The following SEPTIN2 variants were observed in gnomAD, a reference collection of about 807,000 sequenced individuals.
The protein encoded by SEPTIN2 is septin-2.
A neutral mutation model predicts 46.5 loss-of-function variants in SEPTIN2; 34 were observed. The observed-to-expected ratio is 0.73, with a 90% CI of 0.56 to 0.97. SEPTIN2 has a LOEUF of 0.97. SEPTIN2 is among the 50% of genes least tolerant of loss of function. The pLI, the probability that SEPTIN2 is intolerant of heterozygous loss-of-function variation, is 0.00. For synonymous variants in SEPTIN2, 175 were observed against 153.4 expected (o/e 1.14, Z -1.04); for missense variants, 347 against 448.4 (o/e 0.77, Z 2.04).
intron 9 of SEPTIN2, among the ~76,000 whole-genome samples, chr2:241,345,828 G>A (rs534484014): frequency 6.6e-6 from 1 of 152,198 alleles, no homozygotes; most frequent in African/African-American, 2.4e-5. Context: ...TTCTATTTCA[G>A]ACATTGTTGA....
At chr2:241,346,022 C>A (rs1326366564) in intron 9 of SEPTIN2, 144 bp from the exon 10 acceptor site, 1 of 586,546 alleles carries the variant, frequency 1.7e-6, no homozygotes, top group Non-Finnish European at 3.1e-6. Context: ...TACTCATTAT[C>A]CTGAAATCCC....
intron 10 of SEPTIN2, chr2:241,346,464 T>G (rs943205543): frequency 6.3e-6 from 2 of 319,176 alleles, no homozygotes; most frequent in East Asian, 6.0e-5. Flanking sequence ...GTAAAAACTT[T>G]AGGCCAGGCA....
In SEPTIN2 at chr2:241,337,754, T is replaced by C. The variant is rs1267916081; in HGVS notation, c.558T>C (p.Thr186=). 1.2e-6 allele frequency: 2 copies of C among 1,614,024 alleles called. No homozygotes were observed. Among genetic ancestry groups the C allele is most frequent in the East Asian group, 2.2e-5 (1 of 44,870 alleles). The change falls in exon 7 of 13, where the codon ACT becomes ACC. Residue 186 remains threonine, a synonymous_variant. Transcript: ENST00000391971. ...TGCCTGTCATTGCAAAAGCTGACAC[T>C]CTCACCCTGAAGGAACGGGAGCGGC... ...NIVPVIAKAD[T]LTLKERERLK...
chr2:241,338,724 TTATA>T (rs1229170159), intron 7 of SEPTIN2, among the ~76,000 whole-genome samples: 5 of 104,078 alleles, frequency 4.8e-5, no homozygotes, highest in African/African-American at 1.8e-4. Flanking sequence ...ATATAATATA[TTATA>T]TATATTATAT....
intron 11 of SEPTIN2, 45 bp downstream of exon 11, chr2:241,348,236 T>G (rs1362853629): frequency 1.2e-5 from 18 of 1,563,822 alleles, no homozygotes; most frequent in East Asian, 4.5e-5. Context: ...TTGGTTGTTT[T>G]GTTTGTTTTG....
intron 7 of SEPTIN2, among the ~76,000 whole-genome samples, chr2:241,338,696 A>G (rs1356883412): frequency 1.8e-5 from 2 of 113,870 alleles, no homozygotes; most frequent in East Asian, 2.2e-4. Context: ...TGTAATATAT[A>G]TTATATTTAT....
intron 3 of SEPTIN2, among the ~76,000 whole-genome samples, chr2:241,333,051 T>C (rs1483101465): frequency 6.6e-6 from 1 of 152,198 alleles, no homozygotes; most frequent in Non-Finnish European, 1.5e-5. Flanking sequence ...TATCTGAGTA[T>C]CTACTTTTGT....
At chr2:241,329,825 G>A (rs1404869317) in intron 3 of SEPTIN2, among the ~76,000 whole-genome samples, 1 of 152,200 alleles carries the variant, frequency 6.6e-6, no homozygotes, top group African/African-American at 2.4e-5. Context: ...AAAGGAAGGA[G>A]GAATGTTGAG....
chr2:241,339,946 TC>T (rs777766422), intron 7 of SEPTIN2, among the ~76,000 whole-genome samples: 7 of 152,228 alleles, frequency 4.6e-5, no homozygotes, highest in Non-Finnish European at 1.0e-4. Flanking sequence ...TTCCCAGAGT[TC>T]CGAATAATGT....
Position 241,316,318 on chromosome 2 carries a change from C to T in SEPTIN2, c.-18+336C>T, listed in dbSNP as rs182750163. On this transcript the variant is annotated intron_variant, in intron 1 of 12. Transcript: ENST00000391971. ...TCGGGGCGTCGAGTGCGGTCGAGGT[C>T]GGGAGGTTTGGTGCTTGGAGGGAGG... is the stretch of plus-strand genomic sequence containing the variant. 907 of 508,712 alleles carry T rather than the reference C, an allele frequency of 1.8e-3. 6 individuals are homozygous for T. Among genetic ancestry groups the T allele is most frequent in the African/African-American group, 0.016 (814 of 49,806 alleles). The allele number at this position is 508,712 out of a possible 1,614,324, so 31.5% of individuals were successfully genotyped here. A position where few individuals can be genotyped will look rare whatever the true frequency, so the allele number is the denominator to read the frequency against.
rs865992625 is a variant in SEPTIN2, at chr2:241,352,687, C to T, written c.*750C>T. On this transcript the variant is annotated 3_prime_UTR_variant, in exon 13 of 13. Transcript: ENST00000391971. Reference sequence around the variant, plus strand: ...CACAAGCCACCTTTTGTAGTGTTCTCCACTAATACTGGTTATCCTGTGCTA... The same window carrying T: ...CACAAGCCACCTTTTGTAGTGTTCTTCACTAATACTGGTTATCCTGTGCTA... 1 of 152,174 alleles carries T rather than the reference C, an allele frequency of 6.6e-6. No homozygotes were observed. The highest frequency in any genetic ancestry group is 1.5e-5 in the Non-Finnish European group (1 of 68,036). 9.4% of individuals were successfully genotyped at this position (152,174 alleles called of 1,614,324 possible).
intron 1 of SEPTIN2, among the ~76,000 whole-genome samples, chr2:241,319,201 G>A (rs2076790706): frequency 6.6e-6 from 1 of 152,172 alleles, no homozygotes; most frequent in Non-Finnish European, 1.5e-5. Context: ...ATATTTGATT[G>A]CATTAAAGAA....
chr2:241,323,418 C>T (rs2077444386), intron 1 of SEPTIN2, among the ~76,000 whole-genome samples: 1 of 152,016 alleles, frequency 6.6e-6, no homozygotes, highest in South Asian at 2.1e-4. Context: ...GCCACCATGC[C>T]TGGCTGAATC....
rs576569632 is a variant in SEPTIN2, at chr2:241,348,209, ATTGG to A, written c.984+38_984+41del. On this transcript the variant is annotated intron_variant, in intron 11 of 12. Coordinates refer to ENST00000391971, the MANE Select transcript of SEPTIN2 (RefSeq NM_004404.5). Reference sequence around the variant, plus strand: ...AAGCTGAGGTAAGTAGGAAAGTACTATTGGTTGGTTGGTTGGTTGGTTGTTTTGT... The same window carrying A: ...AAGCTGAGGTAAGTAGGAAAGTACTATTGGTTGGTTGGTTGGTTGTTTTGT... The A allele has an allele frequency of 1.2e-4, 186 of 1,601,882 alleles. 2 individuals carry two copies. The African/African-American group carries it at 1.4e-3, about 12-fold the overall frequency.
intron 3 of SEPTIN2, 120 bp from the exon 4 acceptor site, chr2:241,335,006 T>C: frequency 1.5e-6 from 1 of 671,438 alleles, no homozygotes; most frequent in South Asian, 1.8e-5. Flanking sequence ...CTGTAGGTAC[T>C]AAACACAGAA....
At chr2:241,332,866 A>C (rs1268956092) in intron 3 of SEPTIN2, among the ~76,000 whole-genome samples, 6 of 152,212 alleles carry the variant, frequency 3.9e-5, no homozygotes, top group Non-Finnish European at 7.3e-5. Context: ...GCCAGACACA[A>C]AACAGGCCAT....
chr2:241,329,964 A>G (rs546381539), intron 3 of SEPTIN2, among the ~76,000 whole-genome samples: 9 of 152,340 alleles, frequency 5.9e-5, no homozygotes, highest in African/African-American at 2.2e-4. Context: ...AAGTACTTTG[A>G]TTTCCTCATT....
intron 3 of SEPTIN2, among the ~76,000 whole-genome samples, chr2:241,333,793 G>A (rs961956806): frequency 2.0e-5 from 3 of 152,064 alleles, no homozygotes; most frequent in East Asian, 1.9e-4. Context: ...GTGGGCCACC[G>A]CGCCCGGCTG....
intron 3 of SEPTIN2, among the ~76,000 whole-genome samples, chr2:241,332,462 C>T (rs1644743873): frequency 6.6e-6 from 1 of 152,148 alleles, no homozygotes; most frequent in African/African-American, 2.4e-5. Flanking sequence ...GCATTGAAAC[C>T]ATGAGATGCC....
Sources: allele counts gnomAD v4.1 joint callset (sites outside exome capture counted in the v4.1 genomes callset), GRCh38; gene constraint gnomAD v4.1.1; transcripts MANE v1.5; gene names NCBI Gene and HGNC (gene_info 2026-07-23, HGNC 2026-07-21).